The following NSL1 variants were observed in gnomAD, a reference collection of about 807,000 sequenced individuals.
NSL1 encodes the protein NSL1 component of MIS12 kinetochore complex.
NSL1 carries 11 observed loss-of-function variants against 25.4 expected under a neutral mutation model. The ratio of observed to expected loss-of-function variants is 0.43; its 90% CI spans 0.27 to 0.72. NSL1 has a LOEUF of 0.72. NSL1 is among the 30% of genes least tolerant of loss of function. The pLI, the probability that NSL1 is intolerant of heterozygous loss-of-function variation, is 0.19. For synonymous variants in NSL1, 118 were observed against 120.6 expected, an observed-to-expected ratio of 0.98 and a Z score of 0.14; for missense variants, 330 against 342.7, an observed-to-expected ratio of 0.96 and a Z score of 0.29.
At chr1:212,766,159 C>T in intron 4 of NSL1, 1 of 545,920 alleles carries the variant, frequency 1.8e-6, no homozygotes, top group East Asian at 3.2e-5. Flanking sequence ...CAAAAAAACC[C>T]TCAACAAACT....
At chr1:212,787,788 T>G in intron 1 of NSL1, 151 bp from the exon 2 acceptor site, 1 of 461,840 alleles carries the variant, frequency 2.2e-6, no homozygotes, top group African/African-American at 2.0e-5. Context: ...CAATGAAGAT[T>G]CCACTTCAAT....
At position 212,733,574 on chromosome 1, in the gene NSL1, T is replaced by A. The variant is rs147758755; in HGVS notation, c.*4834A>T. ...GCCTGTTCTGGACAGTTCATTTACA[T>A]GGAGTCTACAAAATTCAGCAGTCTT... On this transcript the variant is annotated 3_prime_UTR_variant, in exon 6 of 6. Transcript: ENST00000366977. Among the ~76,000 whole-genome samples, 1 of 152,362 alleles carries A rather than the reference T, an allele frequency of 6.6e-6. No homozygotes were observed. The highest frequency in any genetic ancestry group is 1.5e-5 in the Non-Finnish European group (1 of 68,024).
intron 4 of NSL1, among the ~76,000 whole-genome samples, chr1:212,756,799 G>A (rs113503768): frequency 0.079 from 12,080 of 152,116 alleles, 615 homozygotes; most frequent in Middle Eastern, 0.15. Flanking sequence ...CAGCCTGGGC[G>A]ACAGAGCAAG....
chr1:212,732,275 A>AT lies in NSL1; in HGVS notation c.*6132dup. The AT allele has an allele frequency of 1.0e-6, 1 of 961,694 alleles. No individual in the cohort carries two copies. The highest frequency in any genetic ancestry group is 1.2e-6 in the Non-Finnish European group (1 of 813,530). The allele number at this position is 961,694 out of a possible 1,614,324, so 59.6% of individuals were successfully genotyped here. A position where few individuals can be genotyped will look rare whatever the true frequency, so the allele number is the denominator to read the frequency against. On this transcript the variant is annotated 3_prime_UTR_variant, in exon 6 of 6. Coordinates refer to ENST00000366977, the MANE Select transcript of NSL1 (RefSeq NM_015471.4). ...CATTATCACTCGTGTTGTCACTTTT[A>AT]TTTTTTTCTGAAAATATCTCTTTTG...
Position 212,729,932 on chromosome 1 carries a change from A to C in NSL1, c.*8476T>G, listed in dbSNP as rs937124490. Reference sequence around the variant, plus strand: ...CAGAAGCTGCCTTGTGGAGGAACTAAACCTCCGGAAGGATTTTTTTTTTTA... The same window carrying C: ...CAGAAGCTGCCTTGTGGAGGAACTACACCTCCGGAAGGATTTTTTTTTTTA... On this transcript the variant is annotated 3_prime_UTR_variant, in exon 6 of 6. Transcript: ENST00000366977. The C allele has an allele frequency of 1.6e-5, 16 of 984,722 alleles. No homozygotes were observed. In the African/African-American group the frequency reaches 2.6e-4, roughly 16 times the overall value. The allele number at this position is 984,722 out of a possible 1,614,324, so 61.0% of individuals were successfully genotyped here. A position where few individuals can be genotyped will look rare whatever the true frequency, so the allele number is the denominator to read the frequency against.
chr1:212,765,318 T>C (rs143465202), intron 4 of NSL1, among the ~76,000 whole-genome samples: 148 of 152,200 alleles, frequency 9.7e-4, no homozygotes, highest in African/African-American at 3.3e-3. Flanking sequence ...CTGATGAACA[T>C]AGATGCAAAA....
intron 4 of NSL1, among the ~76,000 whole-genome samples, chr1:212,761,037 C>A (rs190052670): frequency 1.0e-3 from 156 of 152,224 alleles, no homozygotes; most frequent in African/African-American, 3.6e-3. Context: ...TTGCACACAC[C>A]CGGAATCAAA....
chr1:212,771,255 G>A (rs182078942), intron 4 of NSL1, among the ~76,000 whole-genome samples: 5 of 152,146 alleles, frequency 3.3e-5, no homozygotes, highest in Admixed American at 6.5e-5. Context: ...CAGAGGTTGC[G>A]GTGAGCTGAG....
chr1:212,745,310 C>A (rs1045631561), intron 4 of NSL1, among the ~76,000 whole-genome samples: 2 of 151,586 alleles, frequency 1.3e-5, no homozygotes, highest in Admixed American at 6.6e-5. Context: ...TTTGATAATA[C>A]ATGCATTTAC....
Position 212,733,853 on chromosome 1 carries a change from C to A in NSL1, c.*4555G>T, listed in dbSNP as rs937710824. 6.6e-6 allele frequency among the ~76,000 whole-genome samples: 1 copy of A among 152,204 alleles called. No individual in the cohort carries two copies. Among genetic ancestry groups the A allele is most frequent in the African/African-American group, 2.4e-5 (1 of 41,446 alleles). On this transcript the variant is annotated 3_prime_UTR_variant, in exon 6 of 6. Coordinates refer to ENST00000366977, the MANE Select transcript of NSL1 (RefSeq NM_015471.4). ...AAATTGCTGGGCCATATGGTAACTG[C>A]ATTATCTCTTTGATAATTTTGACTC... is the stretch of plus-strand genomic sequence containing the variant.
rs1419063555 is a variant in NSL1, at chr1:212,732,624, A to G, written c.*5784T>C. On this transcript the variant is annotated 3_prime_UTR_variant, in exon 6 of 6. Coordinates refer to ENST00000366977, the MANE Select transcript of NSL1 (RefSeq NM_015471.4). Reference sequence around the variant, plus strand: ...AGTCTTATTCCAACCTGGTCTGCCTAGTCTCCAAATCTGCTGATTAGTTAG... The same window carrying G: ...AGTCTTATTCCAACCTGGTCTGCCTGGTCTCCAAATCTGCTGATTAGTTAG... 1.0e-6 allele frequency: 1 copy of G among 985,224 alleles called. No homozygotes were observed. Among genetic ancestry groups the G allele is most frequent in the East Asian group, 1.1e-4 (1 of 8,826 alleles). 61.0% of individuals were successfully genotyped at this position (985,224 alleles called of 1,614,324 possible).
chr1:212,744,872 C>T (rs1387111092), intron 4 of NSL1, among the ~76,000 whole-genome samples: 2 of 152,116 alleles, frequency 1.3e-5, no homozygotes, highest in Middle Eastern at 6.3e-3. Flanking sequence ...GGTGCCATAG[C>T]TCACGCCTGT....
rs886908562 is a variant in NSL1 at position 212,738,580 on chromosome 1, T to C, written c.674A>G (p.His225Arg). ...CTCAGGTTTAGCATCTGGTTTCCTA[T>C]GACAACTGGAAAAGACTTCTTGGTG... ...RIHQEVFSSCHRKPDAKPENF... is the reference protein window; with the variant it reads ...RIHQEVFSSCRRKPDAKPENF... Residue 225 changes from histidine (H) to arginine (R), a missense_variant, in exon 6 of 6, where the codon CAT becomes CGT. Transcript: ENST00000366977. 6.2e-7 allele frequency: 1 copy of C among 1,614,074 alleles called. No individual in the cohort carries two copies. Among genetic ancestry groups the C allele is most frequent in the African/African-American group, 1.3e-5 (1 of 74,936 alleles).
At chr1:212,777,541 A>T (rs1660431190) in intron 4 of NSL1, among the ~76,000 whole-genome samples, 1 of 152,236 alleles carries the variant, frequency 6.6e-6, no homozygotes, top group South Asian at 2.1e-4. Flanking sequence ...GAAAAAAGTT[A>T]CAAAATGATA....
chr1:212,758,255 A>G (rs1400405803), intron 4 of NSL1, among the ~76,000 whole-genome samples: 1 of 152,212 alleles, frequency 6.6e-6, no homozygotes, highest in African/African-American at 2.4e-5. Flanking sequence ...AAAATCCGAA[A>G]AGTCAGAAGA....
At chr1:212,759,202 A>G (rs1424285112) in intron 4 of NSL1, among the ~76,000 whole-genome samples, 4 of 152,202 alleles carry the variant, frequency 2.6e-5, no homozygotes, top group African/African-American at 9.7e-5. Flanking sequence ...GGTAAATTAG[A>G]TTTTGCCAAA....
In NSL1 at chr1:212,732,589, C is replaced by T. The variant is rs1053677446; in HGVS notation, c.*5819G>A. 49 of 984,206 alleles carry T rather than the reference C, an allele frequency of 5.0e-5. No individual in the cohort carries two copies. The highest frequency in any genetic ancestry group is 1.0e-4 in the African/African-American group (6 of 57,198). 61.0% of individuals were successfully genotyped at this position (984,206 alleles called of 1,614,324 possible). A position where few individuals can be genotyped will look rare whatever the true frequency, so the allele number is the denominator to read the frequency against. On this transcript the variant is annotated 3_prime_UTR_variant, in exon 6 of 6. Transcript: ENST00000366977. ...GATTACAGGTGTGAGCCACCGCACCCGGCCTACATAGTCTTATTCCAACCT... is the reference window on the plus strand; with the variant it reads ...GATTACAGGTGTGAGCCACCGCACCTGGCCTACATAGTCTTATTCCAACCT...
chr1:212,764,718 C>T (rs747536550), intron 4 of NSL1, among the ~76,000 whole-genome samples: 7 of 151,254 alleles, frequency 4.6e-5, no homozygotes, highest in Non-Finnish European at 8.9e-5. Flanking sequence ...TGGTGGCAGG[C>T]GCCTGTAATC....
Position 212,737,436 on chromosome 1 carries a change from G to T in NSL1, c.*972C>A. ...GAGTCATCAAAAGGGGAAACAGTTG[G>T]TAAGTTTGATGGCCCTGCCTACACT... On this transcript the variant is annotated 3_prime_UTR_variant, in exon 6 of 6. Coordinates refer to ENST00000366977, the MANE Select transcript of NSL1 (RefSeq NM_015471.4). 1.0e-6 allele frequency: 1 copy of T among 985,258 alleles called. No individual in the cohort carries two copies. The highest frequency in any genetic ancestry group is 1.2e-6 in the Non-Finnish European group (1 of 829,774). 61.0% of individuals were successfully genotyped at this position (985,258 alleles called of 1,614,324 possible).
Sources: allele counts gnomAD v4.1 joint callset (sites outside exome capture counted in the v4.1 genomes callset), GRCh38; gene constraint gnomAD v4.1.1; transcripts MANE v1.5; gene names NCBI Gene and HGNC (gene_info 2026-07-23, HGNC 2026-07-21).